Variants in ANXA7 observed in about 807,000 individuals in gnomAD.
ANXA7 encodes the protein annexin VII.
In ANXA7, 55 loss-of-function variants were observed where a neutral mutation model predicts 64.9. That is an observed-to-expected ratio of 0.85 (90% CI 0.68 to 1.06). The LOEUF (loss-of-function observed/expected upper bound fraction) is 1.06, where lower values mean the gene tolerates loss of function less well. Among genes scored for constraint, ANXA7 ranks in the 50% least tolerant of loss-of-function variants. The pLI is 0.00. For missense variants in ANXA7, 548 were observed against 582.1 expected, an observed-to-expected ratio of 0.94 and a Z score of 0.60; for synonymous variants, 200 against 192.4, an observed-to-expected ratio of 1.04 and a Z score of -0.33.
chr10:73,393,659 T>G (rs548630369), intron 5 of ANXA7, among the ~76,000 whole-genome samples: 402 of 152,274 alleles, frequency 2.6e-3, no homozygotes, highest in African/African-American at 8.9e-3. Flanking sequence ...TAGCCATATG[T>G]AGAAAGCTGA....
chr10:73,401,870 C>A (rs113896247), intron 1 of ANXA7, among the ~76,000 whole-genome samples: 164 of 152,306 alleles, frequency 1.1e-3, no homozygotes, highest in African/African-American at 3.8e-3. Context: ...GACTTCCCAG[C>A]CTCCAGAACC....
Position 73,379,028 on chromosome 10 carries a change from A to C in ANXA7, c.1166-5T>G, listed in dbSNP as rs1172453422. 1 of 1,589,774 alleles carries C rather than the reference A, an allele frequency of 6.3e-7. No individual in the cohort carries two copies. Among genetic ancestry groups the C allele is most frequent in the Non-Finnish European group, 8.6e-7 (1 of 1,165,092 alleles). ...GGCGGTTCAGGGCACACTGCACTGCAAGTTAGAGATGGTTGAGACATGGAA... is the reference window on the plus strand; with the variant it reads ...GGCGGTTCAGGGCACACTGCACTGCCAGTTAGAGATGGTTGAGACATGGAA... On this transcript the variant is annotated splice_polypyrimidine_tract_variant and splice_region_variant and intron_variant, in intron 11 of 12. Coordinates refer to ENST00000372921, the MANE Select transcript of ANXA7 (RefSeq NM_001156.5).
intron 1 of ANXA7, among the ~76,000 whole-genome samples, chr10:73,412,395 G>C (rs1432588589): frequency 6.6e-6 from 1 of 151,978 alleles, no homozygotes; most frequent in Non-Finnish European, 1.5e-5. Context: ...ATTTATTCAA[G>C]AGGCAGATTT....
chr10:73,375,847 G>A lies in ANXA7; in HGVS notation c.*248C>T. 3.7e-6 allele frequency: 1 copy of A among 271,108 alleles called. No individual in the cohort carries two copies. Among genetic ancestry groups the A allele is most frequent in the Non-Finnish European group, 6.8e-6 (1 of 146,510 alleles). 16.8% of individuals were successfully genotyped at this position (271,108 alleles called of 1,614,324 possible). On this transcript the variant is annotated 3_prime_UTR_variant, in exon 13 of 13. Transcript: ENST00000372921. ...TAGAATGAAACTAGTAAGAATGAAGGTTTACAAACATTGCAATATTACTGT... is the reference window on the plus strand; with the variant it reads ...TAGAATGAAACTAGTAAGAATGAAGATTTACAAACATTGCAATATTACTGT...
chr10:73,407,860 A>C (rs992892012), intron 1 of ANXA7, among the ~76,000 whole-genome samples: 1 of 152,234 alleles, frequency 6.6e-6, no homozygotes, highest in African/African-American at 2.4e-5. Context: ...ATAAGTCAAT[A>C]AGAAACATAA....
chr10:73,412,533 C>A (rs1330934459), intron 1 of ANXA7, among the ~76,000 whole-genome samples: 4 of 149,008 alleles, frequency 2.7e-5, no homozygotes, highest in African/African-American at 9.9e-5. Flanking sequence ...TTTCTCTCTG[C>A]CGCCCAGGCT....
At position 73,383,070 on chromosome 10, in the gene ANXA7, A is replaced by T. The variant is rs192570966; in HGVS notation, c.918+105T>A. On this transcript the variant is annotated intron_variant, in intron 9 of 12. Coordinates refer to ENST00000372921, the MANE Select transcript of ANXA7 (RefSeq NM_001156.5). ...TGTTGTCCCTCTTAAAGATGGCAAT[A>T]TTGCAAGGTGGCTAAATATTAAAAG... The T allele has an allele frequency of 9.6e-6, 10 of 1,040,456 alleles. No individual in the cohort carries two copies. The African/African-American group carries it at 1.5e-4, about 15-fold the overall frequency. 64.5% of individuals were successfully genotyped at this position (1,040,456 alleles called of 1,614,324 possible). A position where few individuals can be genotyped will look rare whatever the true frequency, so the allele number is the denominator to read the frequency against.
At position 73,398,120 on chromosome 10, in the gene ANXA7, G is replaced by T. The variant is rs147863284; in HGVS notation, c.259+61C>A. 2.6e-5 allele frequency: 40 copies of T among 1,518,876 alleles called. No homozygotes were observed. In the East Asian group the frequency reaches 8.7e-4, roughly 33 times the overall value. The allele number at this position is 1,518,876 out of a possible 1,614,324, so 94.1% of individuals were successfully genotyped here. On this transcript the variant is annotated intron_variant, in intron 3 of 12. Transcript: ENST00000372921. ...ACAAGCAGGAATGAAGAGGATAAAGGGAGAAGGAAAAAGTGCTACAGCAAT... is the reference window on the plus strand; with the variant it reads ...ACAAGCAGGAATGAAGAGGATAAAGTGAGAAGGAAAAAGTGCTACAGCAAT...
In ANXA7 at chr10:73,387,793, C is replaced by G; in HGVS notation, c.539-10G>C. ...GCCTGCTCATCTGTCCCTGGAAGAACCACACATGTTTAAGTAAGGACAAAG... is the reference window on the plus strand; with the variant it reads ...GCCTGCTCATCTGTCCCTGGAAGAAGCACACATGTTTAAGTAAGGACAAAG... On this transcript the variant is annotated splice_polypyrimidine_tract_variant and intron_variant, in intron 6 of 12. Transcript: ENST00000372921. The G allele has an allele frequency of 6.2e-7, 1 of 1,606,154 alleles. No homozygotes were observed. Among genetic ancestry groups the G allele is most frequent in the African/African-American group, 1.4e-5 (1 of 73,488 alleles).
intron 5 of ANXA7, among the ~76,000 whole-genome samples, chr10:73,389,835 G>A (rs540495289): frequency 6.6e-6 from 1 of 152,236 alleles, no homozygotes; most frequent in South Asian, 2.1e-4. Flanking sequence ...ATGTTGCCCA[G>A]GCTGGTATCG....
chr10:73,411,807 A>G (rs1016947329), intron 1 of ANXA7, among the ~76,000 whole-genome samples: 1 of 152,088 alleles, frequency 6.6e-6, no homozygotes, highest in Admixed American at 6.6e-5. Flanking sequence ...TTATGTGGTT[A>G]TTAAAAATGA....
chr10:73,403,672 T>C (rs2055709219), intron 1 of ANXA7, among the ~76,000 whole-genome samples: 1 of 152,200 alleles, frequency 6.6e-6, no homozygotes, highest in Non-Finnish European at 1.5e-5. Context: ...TCGGGGAAGA[T>C]TCCTAGAAAT....
In ANXA7 at chr10:73,398,241, G is replaced by C; in HGVS notation, c.199C>G (p.Pro67Ala). 1 of 1,614,000 alleles carries C rather than the reference G, an allele frequency of 6.2e-7. No individual in the cohort carries two copies. Among genetic ancestry groups the C allele is most frequent in the Non-Finnish European group, 8.5e-7 (1 of 1,179,996 alleles). Reference sequence around the variant, plus strand: ...GCACCAGGATAGCCTCCAGGGGCTGGATAACCTCCAGGCGCAGGGTAGCCT... The same window carrying C: ...GCACCAGGATAGCCTCCAGGGGCTGCATAACCTCCAGGCGCAGGGTAGCCT... ...AGGYPAPGGYPAPGGYPGAPQ... is the reference protein window; with the variant it reads ...AGGYPAPGGYAAPGGYPGAPQ... Residue 67 changes from proline (P) to alanine (A), a missense_variant, in exon 3 of 13, where the codon CCA becomes GCA. By Grantham distance (27) the Pro-to-Ala change is conservative. Coordinates refer to ENST00000372921, the MANE Select transcript of ANXA7 (RefSeq NM_001156.5).
intron 1 of ANXA7, among the ~76,000 whole-genome samples, chr10:73,401,607 C>T (rs774607649): frequency 2.6e-5 from 4 of 152,166 alleles, no homozygotes; most frequent in Admixed American, 6.5e-5. Flanking sequence ...CCAAGTGATT[C>T]TCCTGCCTCA....
chr10:73,412,869 C>T (rs1407649354), intron 1 of ANXA7, among the ~76,000 whole-genome samples: 1 of 147,014 alleles, frequency 6.8e-6, no homozygotes, highest in African/African-American at 2.6e-5. Context: ...TTTTGGTTTT[C>T]CAAACCACCT....
rs1009708232 is a variant in ANXA7, at chr10:73,397,283, A to G, written c.260-9T>C. The G allele has an allele frequency of 1.8e-5, 28 of 1,575,938 alleles. No homozygotes were observed. The highest frequency in any genetic ancestry group is 2.1e-5 in the Non-Finnish European group (24 of 1,147,840). On this transcript the variant is annotated splice_polypyrimidine_tract_variant and intron_variant, in intron 3 of 12. Transcript: ENST00000372921. ...TCCTTGGCCTGGAGGAACTAGAGAA[A>G]AGAACATGTCAATAAACTATAGTAC... is the stretch of plus-strand genomic sequence containing the variant.
chr10:73,383,516 T>A, intron 8 of ANXA7, 61 bp downstream of exon 8: 1 of 1,389,978 alleles, frequency 7.2e-7, no homozygotes, highest in Non-Finnish European at 1.0e-6. Flanking sequence ...CTGTCATAAT[T>A]TGTACGGTTT....
intron 5 of ANXA7, among the ~76,000 whole-genome samples, chr10:73,391,545 G>A (rs76227829): frequency 1.3e-5 from 2 of 152,086 alleles, no homozygotes; most frequent in Admixed American, 6.6e-5. Flanking sequence ...CCAGCATTTC[G>A]AGGCTGCAGT....
chr10:73,384,574 G>C (rs1681968567), intron 7 of ANXA7, among the ~76,000 whole-genome samples: 1 of 151,920 alleles, frequency 6.6e-6, no homozygotes, highest in African/African-American at 2.4e-5. Flanking sequence ...GCTAATTTTT[G>C]TATTTTTAGT....
Sources: allele counts gnomAD v4.1 joint callset (sites outside exome capture counted in the v4.1 genomes callset), GRCh38; gene constraint gnomAD v4.1.1; transcripts MANE v1.5; gene names NCBI Gene and HGNC (gene_info 2026-07-23, HGNC 2026-07-21).